VPS13D: variants seen among roughly 807,000 people sequenced by gnomAD.
The protein encoded by VPS13D is vacuolar protein sorting 13 homolog D.
In VPS13D, 187 loss-of-function variants were observed where a neutral mutation model predicts 461.9. That is an observed-to-expected ratio of 0.40 (90% CI 0.36 to 0.46). VPS13D has a LOEUF of 0.46. VPS13D is among the 20% of genes least tolerant of loss of function. The pLI is 0.60. For missense variants in VPS13D, 4,711 were observed against 5,364.9 expected, an observed-to-expected ratio of 0.88 and a Z score of 3.81; for synonymous variants, 1,951 against 1,986.3, an observed-to-expected ratio of 0.98 and a Z score of 0.47.
intron 67 of VPS13D, among the ~76,000 whole-genome samples, chr1:12,471,905 G>A (rs971882819): frequency 2.0e-5 from 3 of 150,864 alleles, no homozygotes; most frequent in Non-Finnish European, 4.4e-5. Flanking sequence ...CTAGTAACTC[G>A]TTTTTCTTTA....
intron 1 of VPS13D, among the ~76,000 whole-genome samples, chr1:12,230,950 G>T (rs1006793718): frequency 6.6e-6 from 1 of 152,120 alleles, no homozygotes; most frequent in African/African-American, 2.4e-5. Flanking sequence ...GGGCAGTGCC[G>T]TTCCTGTGGG....
intron 18 of VPS13D, among the ~76,000 whole-genome samples, chr1:12,275,210 C>A (rs1176201786): frequency 6.6e-6 from 1 of 151,850 alleles, no homozygotes; most frequent in Admixed American, 6.6e-5. Flanking sequence ...CAGAATGAGA[C>A]TCCATCTCAA....
intron 64 of VPS13D, 133 bp from the exon 65 acceptor site, chr1:12,416,527 C>G (rs1005421618): frequency 1.6e-5 from 15 of 955,704 alleles, no homozygotes; most frequent in Non-Finnish European, 2.1e-5. Flanking sequence ...AGATTAAAAG[C>G]TTTTAATCTC....
intron 60 of VPS13D, among the ~76,000 whole-genome samples, chr1:12,387,397 A>G (rs964978791): frequency 3.3e-5 from 5 of 152,258 alleles, no homozygotes; most frequent in Non-Finnish European, 5.9e-5. Context: ...CTGACATCCT[A>G]TCAAAAATTA....
Position 12,379,556 on chromosome 1 carries a change from A to G in VPS13D, c.11150A>G (p.Glu3717Gly). ...RSTTQTWSFR[E>G]GKLTCGLHGL... The stretch of plus-strand genomic sequence containing the variant: ...ACAACTCAGACGTGGAGTTTCCGAG[A>G]AGGAAAACTGACCTGTGGGTTACAT... The change falls in exon 57 of 70, where the codon GAA (glutamate) becomes GGA (glycine). Residue 3717 changes from glutamate to glycine, a missense_variant. This residue lies in a region of VPS13D where 4,411 missense variants were observed against 4,937.8 expected (regional missense o/e 0.89). Coordinates refer to ENST00000620676, the MANE Select transcript of VPS13D (RefSeq NM_015378.4). 1 of 1,613,578 alleles carries G rather than the reference A, an allele frequency of 6.2e-7. No homozygotes were observed.
intron 68 of VPS13D, among the ~76,000 whole-genome samples, chr1:12,506,137 T>C (rs1646102478): frequency 6.6e-6 from 1 of 152,208 alleles, no homozygotes; most frequent in African/African-American, 2.4e-5. Flanking sequence ...CCGGGAGAAC[T>C]GTCACACTGT....
chr1:12,367,838 A>T (rs940562782), intron 52 of VPS13D: 2 of 152,296 alleles, frequency 1.3e-5, no homozygotes, highest in African/African-American at 4.8e-5. Flanking sequence ...CGATCTCCTG[A>T]CCACGTGATC....
rs61588046 is a variant in VPS13D, at chr1:12,352,965, CAAAAAAAAAAAAAAAA to C, written c.9432-993_9432-978del. ...GGGCAATAAGAGTGAAACTCAGTCT[CAAAAAAAAAAAAAAAA>C]AAAAAAAAAAAAAAAGGACCCAGCA... On this transcript the variant is annotated intron_variant, in intron 46 of 69. Transcript: ENST00000620676. 9.7e-4 allele frequency among the ~76,000 whole-genome samples: 17 copies of C among 17,592 alleles called. 1 individual carries two copies. In the South Asian group the frequency reaches 0.014, roughly 14 times the overall value. 11.5% of individuals were successfully genotyped at this position (17,592 alleles called of 152,430 possible).
intron 52 of VPS13D, among the ~76,000 whole-genome samples, chr1:12,366,613 T>A (rs1475604867): frequency 3.3e-5 from 5 of 152,226 alleles, no homozygotes; most frequent in African/African-American, 7.2e-5. Context: ...ATGATTTGTG[T>A]AATTTTTGTT....
chr1:12,401,515 G>T (rs146234965), intron 61 of VPS13D, 93 bp from the exon 62 acceptor site: 3 of 843,610 alleles, frequency 3.6e-6, no homozygotes, highest in Non-Finnish European at 5.6e-6. Context: ...CATGATTAAT[G>T]AAAGCATACC....
Position 12,348,889 on chromosome 1 carries a change from A to G in VPS13D, c.9136A>G (p.Ile3046Val). 6.2e-7 allele frequency: 1 copy of G among 1,614,226 alleles called. No homozygotes were observed. The highest frequency in any genetic ancestry group is 8.5e-7 in the Non-Finnish European group (1 of 1,180,040). ...TATGGAAGGCAGTGCACGGAAAGTC[A>G]TCACTGTCCGGTCAGCCCTCATTGT... ...VTMEGSARKV[I>V]TVRSALIVRN... is the part of the protein sequence containing the mutation. Residue 3046 changes from isoleucine (I) to valine (V), a missense_variant, in exon 45 of 70, where the codon ATC becomes GTC. Coordinates refer to ENST00000620676, the MANE Select transcript of VPS13D (RefSeq NM_015378.4).
At chr1:12,256,849 A>G in intron 8 of VPS13D, 138 bp from the exon 9 acceptor site, 2 of 787,540 alleles carry the variant, frequency 2.5e-6, no homozygotes, top group Non-Finnish European at 4.1e-6. Flanking sequence ...TGATGCTGAT[A>G]TTTTGGTCTT....
At chr1:12,431,474 C>T (rs573796357) in intron 65 of VPS13D, among the ~76,000 whole-genome samples, 99 of 150,498 alleles carry the variant, frequency 6.6e-4, no homozygotes, top group Admixed American at 2.1e-3. Flanking sequence ...ATTGTTGAGA[C>T]TGGGCCGGCA....
chr1:12,234,366 G>T lies in VPS13D; in HGVS notation c.97+3G>T. 1.2e-6 allele frequency: 2 copies of T among 1,611,800 alleles called. No individual in the cohort carries two copies. Among genetic ancestry groups the T allele is most frequent in the South Asian group, 2.2e-5 (2 of 90,850 alleles). On this transcript the variant is annotated splice_donor_region_variant and intron_variant, in intron 2 of 69. Coordinates refer to ENST00000620676, the MANE Select transcript of VPS13D (RefSeq NM_015378.4). The stretch of plus-strand genomic sequence containing the variant: ...GCTCTCAGTTGCACTTCTCAAAGGT[G>T]AGTATTTCTCTGGGTGAGATACAGC...
intron 65 of VPS13D, among the ~76,000 whole-genome samples, chr1:12,431,215 A>G (rs1462411056): frequency 6.6e-6 from 1 of 152,192 alleles, no homozygotes; most frequent in Non-Finnish European, 1.5e-5. Context: ...TCAACACTAA[A>G]ACTTTTCTTA....
chr1:12,267,702 C>T lies in VPS13D; in HGVS notation c.1726-143C>T, dbSNP rs1204675628. 7.5e-5 allele frequency: 56 copies of T among 746,514 alleles called. No homozygotes were observed. The South Asian group carries it at 7.9e-4, about 11-fold the overall frequency. 46.2% of individuals were successfully genotyped at this position (746,514 alleles called of 1,614,324 possible). A position where few individuals can be genotyped will look rare whatever the true frequency, so the allele number is the denominator to read the frequency against. On this transcript the variant is annotated intron_variant, in intron 14 of 69. Coordinates refer to ENST00000620676, the MANE Select transcript of VPS13D (RefSeq NM_015378.4). ...AAAAAGGGCAGAAAACGAAACAATT[C>T]TGCAAGTAGTCAATCTGAGGTAAAG...
At chr1:12,493,216 C>T (rs1162242864) in intron 67 of VPS13D, among the ~76,000 whole-genome samples, 4 of 149,152 alleles carry the variant, frequency 2.7e-5, no homozygotes, top group South Asian at 2.1e-4. Context: ...TGGCCGGGTG[C>T]GGTGGCTCAC....
At chr1:12,346,234 C>A (rs1168780649) in intron 43 of VPS13D, among the ~76,000 whole-genome samples, 2 of 152,304 alleles carry the variant, frequency 1.3e-5, no homozygotes, top group South Asian at 2.1e-4. Flanking sequence ...CACAACTGTC[C>A]ATTTTTACTG....
At chr1:12,508,602 C>T (rs1047726145) in intron 69 of VPS13D, among the ~76,000 whole-genome samples, 2 of 149,522 alleles carry the variant, frequency 1.3e-5, no homozygotes, top group South Asian at 2.1e-4. Context: ...CCCAGCTACT[C>T]GGGAGGCTGA....
Sources: gnomAD v4.1 joint callset for allele counts (sites outside exome capture counted in the v4.1 genomes callset) on GRCh38, gnomAD v4.1.1 for gene constraint, gnomAD v4.1.1 regional missense constraint, MANE v1.5 for transcripts, NCBI Gene and HGNC (gene_info 2026-07-23, HGNC 2026-07-21) for gene names.